Variants in PROM1 observed in about 807,000 individuals in gnomAD.
PROM1 encodes prominin 1.
PROM1 carries 105 observed loss-of-function variants against 116.9 expected under a neutral mutation model. The ratio of observed to expected loss-of-function variants is 0.90; its 90% CI spans 0.77 to 1.06. The LOEUF is 1.06. Ranked by LOEUF, PROM1 falls within the 50% of genes least tolerant of loss-of-function variation. PROM1 has a pLI of 0.00. For synonymous variants in PROM1, 393 were observed against 387.0 expected (o/e 1.02, Z -0.18); for missense variants, 1,122 against 1,045.2 (o/e 1.07, Z -1.01).
At chr4:16,055,403 G>A in intron 2 of PROM1, 1 of 456,044 alleles carries the variant, frequency 2.2e-6, no homozygotes, top group South Asian at 1.5e-5. Flanking sequence ...TTGGCTGCAG[G>A]GTCTTAAATG....
At position 16,075,965 on chromosome 4, in the gene PROM1, T is replaced by C. The variant is rs1184724653; in HGVS notation, c.-59A>G. On this transcript the variant is annotated 5_prime_UTR_variant, in exon 2 of 28. Transcript: ENST00000447510. ...TTGGTGCCTCCTGCCTCAGAGCTTC[T>C]GGAAGCCTTGGGGAAGGCAAGCGTG... 1.3e-6 allele frequency: 2 copies of C among 1,508,350 alleles called. No homozygotes were observed. The highest frequency in any genetic ancestry group is 2.4e-5 in the East Asian group (1 of 41,386). The allele number at this position is 1,508,350 out of a possible 1,614,324, so 93.4% of individuals were successfully genotyped here. A position where few individuals can be genotyped will look rare whatever the true frequency, so the allele number is the denominator to read the frequency against.
At chr4:16,062,179 C>T (rs1239716290) in intron 2 of PROM1, among the ~76,000 whole-genome samples, 16 of 152,246 alleles carry the variant, frequency 1.1e-4, no homozygotes, top group African/African-American at 2.9e-4. Context: ...GCGTGAGCCA[C>T]CGCACCCGGC....
intron 13 of PROM1, chr4:16,003,165 C>T (rs1239694666): frequency 2.6e-6 from 1 of 389,162 alleles, no homozygotes; most frequent in Non-Finnish European, 5.2e-6. Context: ...CAAATTAGGA[C>T]TGTCACCTAG....
At chr4:16,014,924 G>A (rs953628857) in intron 10 of PROM1, among the ~76,000 whole-genome samples, 4 of 152,322 alleles carry the variant, frequency 2.6e-5, no homozygotes, top group Middle Eastern at 3.4e-3. Flanking sequence ...CAGTTCAGTG[G>A]TGGGAAGGGA....
chr4:16,000,567 G>A lies in PROM1; in HGVS notation c.1507C>T (p.Leu503Phe). The A allele has an allele frequency of 6.3e-7, 1 of 1,588,410 alleles. No homozygotes were observed. Among genetic ancestry groups the A allele is most frequent in the Non-Finnish European group, 8.6e-7 (1 of 1,157,834 alleles). The change falls in exon 14 of 28, where the codon CTT becomes TTT. Residue 503 changes from leucine to phenylalanine, a missense_variant. By Grantham distance (22) the Leu-to-Phe change is conservative. Coordinates refer to ENST00000447510, the MANE Select transcript of PROM1 (RefSeq NM_006017.3). The part of the protein sequence containing the change: ...FCWILMIIVV[L>F]TFVFGANVEK... ...ACATTTGCACCAAAGACAAAGGTAA[G>A]AACCACAATGATCATCAATATCCAG...
chr4:15,987,705 G>A lies in PROM1; in HGVS notation c.2088C>T (p.Tyr696=). 6.2e-7 allele frequency: 1 copy of A among 1,610,774 alleles called. No individual in the cohort carries two copies. The highest frequency in any genetic ancestry group is 8.5e-7 in the Non-Finnish European group (1 of 1,178,878). ...TGCGTTGAAGTATCTTGACGCTTTG[G>A]TATAGAGTGCTCTGGCAAGAAACAG... ...LPIEQSLSTL[Y]QSVKILQRTG... is the part of the protein sequence containing the mutation. The change falls in exon 20 of 28, where the codon TAC becomes TAT. Residue 696 remains tyrosine, a synonymous_variant. Transcript: ENST00000447510.
At chr4:16,081,970 TA>T (rs1187137095) in intron 1 of PROM1, 4 of 151,960 alleles carry the variant, frequency 2.6e-5, no homozygotes, top group Admixed American at 2.0e-4. Flanking sequence ...ACAGCAACAG[TA>T]AGGGGGCTCT....
Position 16,018,201 on chromosome 4 carries a change from G to A in PROM1, c.1002+122C>T, listed in dbSNP as rs529383228. On this transcript the variant is annotated intron_variant, in intron 9 of 27. Coordinates refer to ENST00000447510, the MANE Select transcript of PROM1 (RefSeq NM_006017.3). ...CAAATGACTCAAGAAGGCTGATAGAGGCCAGGGGCTAACTGTTCTCCAAGT... is the reference window on the plus strand; with the variant it reads ...CAAATGACTCAAGAAGGCTGATAGAAGCCAGGGGCTAACTGTTCTCCAAGT... 1.9e-4 allele frequency: 165 copies of A among 868,694 alleles called. 1 individual carries two copies. The African/African-American group carries it at 2.5e-3, about 13-fold the overall frequency. 53.8% of individuals were successfully genotyped at this position (868,694 alleles called of 1,614,324 possible).
At chr4:16,024,124 G>A (rs191754991) in intron 7 of PROM1, among the ~76,000 whole-genome samples, 171 bp downstream of exon 7, 1 of 152,314 alleles carries the variant, frequency 6.6e-6, no homozygotes, top group Admixed American at 6.5e-5. Context: ...TGCCTTCGAT[G>A]AGGGCTAGAT....
intron 15 of PROM1, 93 bp from the exon 16 acceptor site, chr4:15,994,164 T>G: frequency 1.0e-5 from 16 of 1,576,312 alleles, no homozygotes; most frequent in Non-Finnish European, 1.2e-5. Context: ...TCACTGTTTC[T>G]CCTTGTTTAA....
chr4:16,079,017 C>G (rs1457970274), intron 1 of PROM1, among the ~76,000 whole-genome samples: 1 of 152,172 alleles, frequency 6.6e-6, no homozygotes, highest in Non-Finnish European at 1.5e-5. Context: ...ACACCTTGAC[C>G]CTGGTGTTTC....
At chr4:16,031,211 C>T (rs1313506829) in intron 5 of PROM1, among the ~76,000 whole-genome samples, 1 of 152,160 alleles carries the variant, frequency 6.6e-6, no homozygotes, top group African/African-American at 2.4e-5. Flanking sequence ...ATCATTCTAA[C>T]TAGAAGCCCT....
chr4:15,997,224 AT>A (rs1252695060), intron 15 of PROM1, among the ~76,000 whole-genome samples: 1 of 150,936 alleles, frequency 6.6e-6, no homozygotes, highest in Non-Finnish European at 1.5e-5. Flanking sequence ...TGAAACATAT[AT>A]ATATATATGA....
In PROM1 at chr4:15,976,182, T is replaced by C. The variant is rs538574387; in HGVS notation, c.2582+3213A>G. 6.6e-6 allele frequency: 3 copies of C among 455,716 alleles called. No homozygotes were observed. In the East Asian group the frequency reaches 2.1e-4, roughly 32 times the overall value. The allele number at this position is 455,716 out of a possible 1,614,324, so 28.2% of individuals were successfully genotyped here. A position where few individuals can be genotyped will look rare whatever the true frequency, so the allele number is the denominator to read the frequency against. On this transcript the variant is annotated intron_variant, in intron 26 of 27. Coordinates refer to ENST00000447510, the MANE Select transcript of PROM1 (RefSeq NM_006017.3). Reference sequence around the variant, plus strand: ...AATAGAACAATGGCATTTAATCTAGTTCGAATTTCAACACTAAAAGCCCAA... The same window carrying C: ...AATAGAACAATGGCATTTAATCTAGCTCGAATTTCAACACTAAAAGCCCAA...
At chr4:16,077,411 T>G (rs979588882) in intron 1 of PROM1, among the ~76,000 whole-genome samples, 5 of 152,298 alleles carry the variant, frequency 3.3e-5, no homozygotes, top group Non-Finnish European at 4.4e-5. Flanking sequence ...TATTATCCTG[T>G]GACCCTGCCA....
chr4:16,004,663 T>C (rs1200149661), intron 13 of PROM1, among the ~76,000 whole-genome samples: 2 of 152,196 alleles, frequency 1.3e-5, no homozygotes, highest in African/African-American at 4.8e-5. Flanking sequence ...TGCAATTACT[T>C]TTACAGCAAC....
chr4:16,069,552 T>G (rs113880130), intron 2 of PROM1, among the ~76,000 whole-genome samples: 1 of 152,248 alleles, frequency 6.6e-6, no homozygotes, highest in Non-Finnish European at 1.5e-5. Flanking sequence ...CTGTGTTTTA[T>G]AGGAGATAAA....
intron 13 of PROM1, among the ~76,000 whole-genome samples, chr4:16,006,258 C>A (rs1222316160): frequency 6.6e-6 from 1 of 152,184 alleles, no homozygotes; most frequent in Non-Finnish European, 1.5e-5. Context: ...TTAAAAGGAG[C>A]CTGCCATATA....
chr4:15,994,307 A>G (rs1721786388), intron 15 of PROM1, among the ~76,000 whole-genome samples: 1 of 152,212 alleles, frequency 6.6e-6, no homozygotes, highest in African/African-American at 2.4e-5. Context: ...ATTGATGAAT[A>G]TATCTTTCCA....
Sources: gnomAD v4.1 joint callset for allele counts (sites outside exome capture counted in the v4.1 genomes callset) on GRCh38, gnomAD v4.1.1 for gene constraint, MANE v1.5 for transcripts, NCBI Gene and HGNC (gene_info 2026-07-23, HGNC 2026-07-21) for gene names.